MRGPRX3: variants seen among roughly 807,000 people sequenced by gnomAD.
The protein encoded by MRGPRX3 is MAS related GPR family member X3, also known as mas-related G protein-coupled receptor member X3.
A neutral mutation model predicts 16.5 loss-of-function variants in MRGPRX3; 14 were observed. The observed-to-expected ratio is 0.85, with a 90% CI of 0.56 to 1.33. The LOEUF is 1.33. Ranked by LOEUF, MRGPRX3 falls within the 40% of genes most tolerant of loss-of-function variation. MRGPRX3 has a pLI of 0.00. For missense variants in MRGPRX3, 449 were observed against 413.0 expected (o/e 1.09, Z -0.76); for synonymous variants, 199 against 180.1 (o/e 1.10, Z -0.84).
chr11:18,135,219 A>C (rs1275161080), intron 1 of MRGPRX3, among the ~76,000 whole-genome samples: 1 of 152,232 alleles, frequency 6.6e-6, no homozygotes, highest in Non-Finnish European at 1.5e-5. Flanking sequence ...TAGCATGTTA[A>C]ACAACATGCT....
At chr11:18,128,666 T>G (rs1041754192), upstream of MRGPRX3, among the ~76,000 whole-genome samples, 2 of 152,222 alleles carry the variant, frequency 1.3e-5, no homozygotes, top group Admixed American at 1.3e-4. Context: ...ATTTTCCAGG[T>G]GCCGTCTGTC....
intron 1 of MRGPRX3, among the ~76,000 whole-genome samples, 190 bp downstream of exon 1, chr11:18,132,929 C>G (rs1237757704): frequency 1.3e-5 from 2 of 152,106 alleles, no homozygotes; most frequent in Non-Finnish European, 2.9e-5. Flanking sequence ...TAAATGGTGT[C>G]CCCCCTTCTA....
chr11:18,126,424 A>G (rs1186212165), intron 1 of MRGPRX3, among the ~76,000 whole-genome samples: 2 of 152,022 alleles, frequency 1.3e-5, no homozygotes, highest in East Asian at 3.9e-4. Flanking sequence ...TTGTCTGTAA[A>G]GGATTTTATT....
intron 1 of MRGPRX3, among the ~76,000 whole-genome samples, chr11:18,135,221 C>A (rs900406014): frequency 6.6e-6 from 1 of 152,148 alleles, no homozygotes; most frequent in Non-Finnish European, 1.5e-5. Flanking sequence ...GCATGTTAAA[C>A]AACATGCTAA....
upstream of MRGPRX3, among the ~76,000 whole-genome samples, chr11:18,130,545 C>G (rs1848950402): frequency 2.0e-5 from 3 of 152,080 alleles, no homozygotes; most frequent in South Asian, 6.2e-4. Context: ...GAAACACATC[C>G]CATGCTCATG....
chr11:18,127,759 C>G (rs1848916825), upstream of MRGPRX3, among the ~76,000 whole-genome samples: 1 of 152,220 alleles, frequency 6.6e-6, no homozygotes, highest in African/African-American at 2.4e-5. Flanking sequence ...CTGAAGGCTT[C>G]TTCTCTCAAC....
At chr11:18,133,081 C>T (rs567472796) in intron 1 of MRGPRX3, among the ~76,000 whole-genome samples, 7 of 152,326 alleles carry the variant, frequency 4.6e-5, no homozygotes, top group African/African-American at 1.7e-4. Flanking sequence ...GAGCCAGTTT[C>T]TTTGTTTCAC....
In MRGPRX3 at chr11:18,137,224, T is replaced by A. The variant is rs762011013; in HGVS notation, c.22T>A (p.Leu8Met). ...GAGCATGGATTCAACCATCCCAGTC[T>A]TGGGTACAGAACTGACACCAATCAA... Reference protein sequence around the residue: MDSTIPVLGTELTPINGR... With the variant: MDSTIPVMGTELTPINGR... Residue 8 changes from leucine (L) to methionine (M), a missense_variant, in exon 2 of 2, where the codon TTG becomes ATG. Coordinates refer to ENST00000621697, the MANE Select transcript of MRGPRX3 (RefSeq NM_001370464.1). 1.2e-6 allele frequency: 2 copies of A among 1,603,580 alleles called. No homozygotes were observed. The highest frequency in any genetic ancestry group is 2.7e-5 in the African/African-American group (2 of 74,704).
chr11:18,122,907 T>C (rs547033500), intron 1 of MRGPRX3, among the ~76,000 whole-genome samples: 2 of 152,340 alleles, frequency 1.3e-5, no homozygotes, highest in African/African-American at 4.8e-5. Flanking sequence ...TATCTCATTG[T>C]GGTTTTGATT....
At position 18,125,418 on chromosome 11, in the gene MRGPRX3, A is replaced by C. The variant is rs368549165; in HGVS notation, c.-152+4254A>C. On this transcript the variant is annotated intron_variant, in intron 1 of 2. Transcript: ENST00000396275. ...TGTTCTCGTTGGTTTCAAAGAACAT[A>C]TTTATTTCTGCCTTCATTTCGTTAT... Among the ~76,000 whole-genome samples the C allele has an allele frequency of 1.7e-3, 255 of 152,008 alleles. 1 individual carries two copies. The highest frequency in any genetic ancestry group is 5.8e-3 in the African/African-American group (239 of 41,486).
At chr11:18,133,555 A>T (rs1367313165) in intron 1 of MRGPRX3, among the ~76,000 whole-genome samples, 1 of 152,154 alleles carries the variant, frequency 6.6e-6, no homozygotes. Flanking sequence ...ACGAGTTCTC[A>T]TGAAATCTAG....
rs1438441396 is a variant in MRGPRX3, at chr11:18,137,236, C to G, written c.34C>G (p.Leu12Val). Residue 12 changes from leucine to valine, a missense_variant, in exon 2 of 2, where the codon CTG (leucine) becomes GTG (valine). By Grantham distance (32) the Leu-to-Val change is conservative. Transcript: ENST00000621697. The stretch of plus-strand genomic sequence containing the variant: ...AACCATCCCAGTCTTGGGTACAGAA[C>G]TGACACCAATCAACGGACGTGAGGA... ...DSTIPVLGTE[L>V]TPINGREETP... 1.2e-6 allele frequency: 2 copies of G among 1,611,442 alleles called. No individual in the cohort carries two copies. The highest frequency in any genetic ancestry group is 2.7e-5 in the African/African-American group (2 of 75,004).
At chr11:18,131,565 A>G (rs1268590563), upstream of MRGPRX3, among the ~76,000 whole-genome samples, 1 of 152,216 alleles carries the variant, frequency 6.6e-6, no homozygotes, top group Non-Finnish European at 1.5e-5. Flanking sequence ...TGATAAAGGA[A>G]CACTTTTACA....
chr11:18,122,391 A>G (rs561136056), intron 1 of MRGPRX3, among the ~76,000 whole-genome samples: 4 of 152,098 alleles, frequency 2.6e-5, no homozygotes, highest in Admixed American at 6.6e-5. Context: ...CCTGTGTCCA[A>G]GTGTTCTCAT....
chr11:18,137,830 C>T lies in MRGPRX3; in HGVS notation c.628C>T (p.Pro210Ser). 1 of 1,614,176 alleles carries T rather than the reference C, an allele frequency of 6.2e-7. No homozygotes were observed. The highest frequency in any genetic ancestry group is 8.5e-7 in the Non-Finnish European group (1 of 1,180,034). ...GATTCTCTGTGGATCCCGGAAGATG[C>T]CGCTGACCAGGCTGTACGTGACCAT... is the stretch of plus-strand genomic sequence containing the variant. ...VRILCGSRKM[P>S]LTRLYVTILL... is the part of the protein sequence containing the mutation. Residue 210 changes from proline to serine, a missense_variant, in exon 2 of 2, where the codon CCG (proline) becomes TCG (serine). By Grantham distance (74) the Pro-to-Ser change is moderately conservative (BLOSUM62 -1). Coordinates refer to ENST00000621697, the MANE Select transcript of MRGPRX3 (RefSeq NM_001370464.1).
intron 1 of MRGPRX3, among the ~76,000 whole-genome samples, chr11:18,136,511 T>C (rs1849008647): frequency 6.6e-6 from 1 of 152,264 alleles, no homozygotes; most frequent in South Asian, 2.1e-4. Context: ...TGTGTTCTAA[T>C]GCCTTACATT....
chr11:18,127,637 C>A (rs1382476218), upstream of MRGPRX3, among the ~76,000 whole-genome samples: 3 of 152,236 alleles, frequency 2.0e-5, no homozygotes, highest in Admixed American at 2.0e-4. Context: ...CCTTTAAGGA[C>A]TTCTCTGCAT....
In MRGPRX3 at chr11:18,137,884, T is replaced by C. The variant is rs775479000; in HGVS notation, c.682T>C (p.Cys228Arg). The change falls in exon 2 of 2, where the codon TGT becomes CGT. Residue 228 changes from cysteine (C) to arginine (R), a missense_variant. Physicochemically the swap from Cys to Arg is radical, Grantham distance 180. Coordinates refer to ENST00000621697, the MANE Select transcript of MRGPRX3 (RefSeq NM_001370464.1). The part of the protein sequence containing the change: ...ILLTVLVFLL[C>R]GLPFGIQWAL... ...CCTCACAGTGCTGGTCTTCCTCCTC[T>C]GTGGCCTGCCCTTTGGCATTCAGTG... The C allele has an allele frequency of 6.2e-7, 1 of 1,614,246 alleles. No individual in the cohort carries two copies. The highest frequency in any genetic ancestry group is 2.2e-5 in the East Asian group (1 of 44,888).
At chr11:18,127,970 T>A (rs568831644), upstream of MRGPRX3, among the ~76,000 whole-genome samples, 15 of 152,358 alleles carry the variant, frequency 9.8e-5, no homozygotes, top group African/African-American at 3.6e-4. Context: ...CCTTTCTGTT[T>A]GTTAGTTTTC....
Sources: gnomAD v4.1 joint callset for allele counts (sites outside exome capture counted in the v4.1 genomes callset) on GRCh38, gnomAD v4.1.1 for gene constraint, MANE v1.5 for transcripts, NCBI Gene and HGNC (gene_info 2026-07-23, HGNC 2026-07-21) for gene names.